Variants in ADGRL3 observed in about 807,000 individuals in gnomAD.
ADGRL3 encodes the protein adhesion G protein-coupled receptor L3.
A neutral mutation model predicts 153.5 loss-of-function variants in ADGRL3; 62 were observed. The observed-to-expected ratio is 0.40, with a 90% CI of 0.33 to 0.50. The LOEUF (loss-of-function observed/expected upper bound fraction) is 0.50. Among genes scored for constraint, ADGRL3 ranks in the 20% least tolerant of loss-of-function variants. The pLI, the probability that ADGRL3 is intolerant of heterozygous loss-of-function variation, is 0.47. For synonymous variants in ADGRL3, 710 were observed against 672.5 expected (o/e 1.06, Z -0.86); for missense variants, 1,641 against 1,859.4 (o/e 0.88, Z 2.16).
intron 2 of ADGRL3, among the ~76,000 whole-genome samples, chr4:61,492,020 AAAACAAAC>A (rs10667912): frequency 2.3e-3 from 346 of 150,686 alleles, no homozygotes; most frequent in East Asian, 8.9e-3. Flanking sequence ...AACAATGAAA[AAAACAAAC>A]AAACAAACAA....
At position 61,979,550 on chromosome 4, in the gene ADGRL3, A is replaced by G. The variant is rs2150805787; in HGVS notation, c.2806-13A>G. The G allele has an allele frequency of 1.2e-6, 2 of 1,612,518 alleles. No individual in the cohort carries two copies. The highest frequency in any genetic ancestry group is 1.7e-6 in the Non-Finnish European group (2 of 1,179,210). ...CATAAGCGCAACTTATGGCTTTTTC[A>G]TTGTGTTTCCAGCACAGTGATGCGG... On this transcript the variant is annotated splice_polypyrimidine_tract_variant and intron_variant, in intron 17 of 26. Coordinates refer to ENST00000683033, the MANE Select transcript of ADGRL3 (RefSeq NM_001387552.1).
chr4:61,617,946 T>G (rs1264907363), intron 5 of ADGRL3, among the ~76,000 whole-genome samples: 1 of 152,208 alleles, frequency 6.6e-6, no homozygotes, highest in African/African-American at 2.4e-5. Flanking sequence ...GAACATAGGT[T>G]GGATAGCTAC....
intron 2 of ADGRL3, among the ~76,000 whole-genome samples, chr4:61,440,489 CTATTTA>C (rs2097515930): frequency 6.6e-6 from 1 of 152,132 alleles, no homozygotes; most frequent in African/African-American, 2.4e-5. Context: ...GATTCAGAGC[CTATTTA>C]TAAAGTACCA....
intron 4 of ADGRL3, among the ~76,000 whole-genome samples, chr4:61,543,557 T>G (rs929976246): frequency 6.6e-6 from 1 of 152,330 alleles, no homozygotes; most frequent in African/African-American, 2.4e-5. Context: ...AGTAAGCCAC[T>G]TACTTTGTGG....
intron 13 of ADGRL3, among the ~76,000 whole-genome samples, chr4:61,926,655 A>G (rs2098795589): frequency 6.6e-6 from 1 of 152,192 alleles, no homozygotes; most frequent in African/African-American, 2.4e-5. Context: ...GTTATTGTGA[A>G]AATTAAAGGA....
At chr4:61,914,153 A>G (rs1456465037) in intron 13 of ADGRL3, among the ~76,000 whole-genome samples, 1 of 152,146 alleles carries the variant, frequency 6.6e-6, no homozygotes, top group Admixed American at 6.6e-5. Context: ...CTGGAAATGT[A>G]TACTGATCAC....
intron 1 of ADGRL3, among the ~76,000 whole-genome samples, chr4:61,212,356 C>T (rs192916921): frequency 6.6e-6 from 1 of 152,198 alleles, no homozygotes; most frequent in East Asian, 1.9e-4. Flanking sequence ...TATGTTTATT[C>T]AAGTAAACCT....
At chr4:61,756,436 A>G (rs2096831575) in intron 8 of ADGRL3, among the ~76,000 whole-genome samples, 1 of 152,194 alleles carries the variant, frequency 6.6e-6, no homozygotes, top group Non-Finnish European at 1.5e-5. Context: ...TTATTGGTGT[A>G]TAAGAATGCT....
At chr4:61,786,192 G>C (rs913457142) in intron 8 of ADGRL3, among the ~76,000 whole-genome samples, 12 of 152,186 alleles carry the variant, frequency 7.9e-5, no homozygotes, top group Non-Finnish European at 1.5e-4. Flanking sequence ...ATGTTGGTTT[G>C]ATGGCTGTCT....
chr4:61,414,647 A>T (rs2097126477), intron 2 of ADGRL3, among the ~76,000 whole-genome samples: 1 of 151,748 alleles, frequency 6.6e-6, no homozygotes, highest in Non-Finnish European at 1.5e-5. Flanking sequence ...GGAGACAGAG[A>T]CAGTCAAAAT....
intron 5 of ADGRL3, among the ~76,000 whole-genome samples, chr4:61,613,485 T>C (rs1004028615): frequency 6.6e-5 from 10 of 152,226 alleles, no homozygotes; most frequent in African/African-American, 2.4e-4. Flanking sequence ...GGCTCACGCC[T>C]GTAATCCCAC....
chr4:61,924,260 C>T (rs966961354), intron 13 of ADGRL3, among the ~76,000 whole-genome samples: 4 of 152,080 alleles, frequency 2.6e-5, no homozygotes, highest in African/African-American at 7.2e-5. Flanking sequence ...ACCTAATTGA[C>T]ACTTCTTTCC....
intron 1 of ADGRL3, among the ~76,000 whole-genome samples, chr4:61,213,344 A>G (rs566360626): frequency 6.6e-6 from 1 of 152,236 alleles, no homozygotes; most frequent in Admixed American, 6.5e-5. Context: ...TCCTCCACAT[A>G]CATCATTTGT....
chr4:61,373,100 G>A (rs897702648), intron 1 of ADGRL3, among the ~76,000 whole-genome samples: 12 of 152,126 alleles, frequency 7.9e-5, no homozygotes, highest in Non-Finnish European at 1.6e-4. Flanking sequence ...TGCAGGGTGC[G>A]CACACTCACT....
At chr4:61,923,606 G>T (rs1422050503) in intron 13 of ADGRL3, among the ~76,000 whole-genome samples, 1 of 152,156 alleles carries the variant, frequency 6.6e-6, no homozygotes, top group East Asian at 1.9e-4. Flanking sequence ...CTTCTACTTG[G>T]ATTAATTCTA....
intron 5 of ADGRL3, among the ~76,000 whole-genome samples, chr4:61,629,447 G>A (rs761682919): frequency 2.0e-5 from 3 of 151,654 alleles, no homozygotes; most frequent in Non-Finnish European, 4.4e-5. Flanking sequence ...GGCCAGGCGC[G>A]GTGGTTCACG....
At chr4:61,322,178 A>G (rs1054071610) in intron 1 of ADGRL3, among the ~76,000 whole-genome samples, 1 of 152,124 alleles carries the variant, frequency 6.6e-6, no homozygotes, top group Admixed American at 6.6e-5. Flanking sequence ...AAACCATCAG[A>G]TCTTGTGAGA....
chr4:61,261,727 A>G (rs1190614507), intron 1 of ADGRL3, among the ~76,000 whole-genome samples: 1 of 152,230 alleles, frequency 6.6e-6, no homozygotes, highest in Non-Finnish European at 1.5e-5. Context: ...AACATAATAT[A>G]GTGTTACAAT....
intron 25 of ADGRL3, among the ~76,000 whole-genome samples, chr4:62,061,013 A>G (rs1215357913): frequency 6.6e-6 from 1 of 151,854 alleles, no homozygotes; most frequent in Non-Finnish European, 1.5e-5. Flanking sequence ...GTGCCTTCCA[A>G]CTCTAGAGAT....
Sources: gnomAD v4.1 joint callset for allele counts (sites outside exome capture counted in the v4.1 genomes callset) on GRCh38, gnomAD v4.1.1 for gene constraint, MANE v1.5 for transcripts, NCBI Gene and HGNC (gene_info 2026-07-23, HGNC 2026-07-21) for gene names.